The following NT5C3A variants were observed in gnomAD, a reference collection of about 807,000 sequenced individuals.
NT5C3A encodes the protein cytosolic 5'-nucleotidase 3A.
Under a neutral mutation model 40.0 loss-of-function variants are expected in NT5C3A, and 23 were observed. The ratio of observed to expected loss-of-function variants is 0.58; its 90% CI spans 0.41 to 0.81. The LOEUF (loss-of-function observed/expected upper bound fraction) is 0.81. NT5C3A is among the 40% of genes least tolerant of loss of function. The pLI is 0.00. For missense variants in NT5C3A, 328 were observed against 403.0 expected (o/e 0.81, Z 1.59); for synonymous variants, 130 against 141.4 (o/e 0.92, Z 0.57).
chr7:33,018,599 C>T (rs370723456), intron 6 of NT5C3A, among the ~76,000 whole-genome samples: 5 of 152,314 alleles, frequency 3.3e-5, no homozygotes, highest in African/African-American at 2.4e-5. Context: ...GCCTGTAACC[C>T]CAGCACTTTG....
At chr7:33,017,296 G>A (rs1785386696) in intron 7 of NT5C3A, 143 bp downstream of exon 7, 2 of 634,682 alleles carry the variant, frequency 3.2e-6, no homozygotes, top group East Asian at 2.7e-5. Context: ...TATTAACACT[G>A]AGAAGGATGG....
intron 1 of NT5C3A, among the ~76,000 whole-genome samples, chr7:33,053,642 C>G (rs372879651): frequency 2.0e-5 from 3 of 152,088 alleles, no homozygotes; most frequent in East Asian, 3.9e-4. Context: ...GCCTGGCTCA[C>G]AGACTGTGAT....
chr7:33,025,157 TAAATAAATAA>T (rs1237086052), intron 2 of NT5C3A, among the ~76,000 whole-genome samples: 10 of 151,920 alleles, frequency 6.6e-5, no homozygotes, highest in Admixed American at 2.0e-4. Flanking sequence ...AAAACAAAAT[TAAATAAATAA>T]AAATAAATAA....
At chr7:33,038,476 A>G (rs969333409) in intron 1 of NT5C3A, among the ~76,000 whole-genome samples, 1 of 151,376 alleles carries the variant, frequency 6.6e-6, no homozygotes, top group Non-Finnish European at 1.5e-5. Flanking sequence ...GTGATAAGAA[A>G]TTTGATGGCC....
intron 2 of NT5C3A, among the ~76,000 whole-genome samples, chr7:33,025,875 G>C (rs374273935): frequency 3.3e-5 from 5 of 152,224 alleles, no homozygotes; most frequent in African/African-American, 2.4e-5. Flanking sequence ...AGATGAATGA[G>C]TCGGCTTTAA....
chr7:33,030,689 T>C (rs62449262), intron 1 of NT5C3A, among the ~76,000 whole-genome samples: 55 of 152,298 alleles, frequency 3.6e-4, no homozygotes, highest in Non-Finnish European at 5.4e-4. Flanking sequence ...TTTTGACCAA[T>C]ACTTAATATA....
In NT5C3A at chr7:33,062,773, A is replaced by G; in HGVS notation, c.-68T>C. Reference sequence around the variant, plus strand: ...AGCTCGCGTAGACTGCGAGTCTCGGAAGCGCGGGATCCCAGAGCATCACGG... The same window carrying G: ...AGCTCGCGTAGACTGCGAGTCTCGGGAGCGCGGGATCCCAGAGCATCACGG... On this transcript the variant is annotated 5_prime_UTR_variant, in exon 1 of 9. Transcript: ENST00000610140. 1 of 1,546,854 alleles carries G rather than the reference A, an allele frequency of 6.5e-7. No individual in the cohort carries two copies. The highest frequency in any genetic ancestry group is 8.7e-7 in the Non-Finnish European group (1 of 1,146,168).
chr7:33,036,864 T>G (rs924177432), intron 1 of NT5C3A, among the ~76,000 whole-genome samples: 2 of 152,152 alleles, frequency 1.3e-5, no homozygotes, highest in Admixed American at 1.3e-4. Flanking sequence ...CAGGCTGGAG[T>G]GCAGTGGCAT....
chr7:33,014,430 C>A lies in NT5C3A; in HGVS notation c.*300G>T, dbSNP rs750127417. ...AACTTTCCCAGTGTAAAAGACTCCT[C>A]AAAAGCTGCATGATAACATTAAACT... On this transcript the variant is annotated 3_prime_UTR_variant, in exon 9 of 9. Coordinates refer to ENST00000610140, the MANE Select transcript of NT5C3A (RefSeq NM_001002010.5). 1 of 476,182 alleles carries A rather than the reference C, an allele frequency of 2.1e-6. No homozygotes were observed. Among genetic ancestry groups the A allele is most frequent in the South Asian group, 1.6e-5 (1 of 64,162 alleles). 29.5% of individuals were successfully genotyped at this position (476,182 alleles called of 1,614,324 possible). A position where few individuals can be genotyped will look rare whatever the true frequency, so the allele number is the denominator to read the frequency against.
intron 1 of NT5C3A, among the ~76,000 whole-genome samples, chr7:33,059,822 G>T (rs774854851): frequency 6.6e-6 from 1 of 152,190 alleles, no homozygotes; most frequent in Non-Finnish European, 1.5e-5. Context: ...CATACCTGTT[G>T]CTAGTGCCAT....
intron 1 of NT5C3A, chr7:33,045,879 A>T (rs781256043): frequency 2.6e-5 from 4 of 152,080 alleles, no homozygotes; most frequent in Non-Finnish European, 4.4e-5. Flanking sequence ...TCAGCTTAGG[A>T]GTATGGACCT....
intron 1 of NT5C3A, among the ~76,000 whole-genome samples, chr7:33,055,554 A>T (rs1787537594): frequency 6.6e-6 from 1 of 152,152 alleles, no homozygotes; most frequent in South Asian, 2.1e-4. Context: ...AGCTTGACTG[A>T]AATAGGTATT....
At chr7:33,025,117 C>A (rs954728984) in intron 2 of NT5C3A, among the ~76,000 whole-genome samples, 2 of 151,468 alleles carry the variant, frequency 1.3e-5, no homozygotes, top group African/African-American at 4.9e-5. Context: ...CCAACCTGGG[C>A]GACAGAATAA....
At chr7:33,022,475 T>C (rs989505614) in intron 3 of NT5C3A, among the ~76,000 whole-genome samples, 21 of 152,170 alleles carry the variant, frequency 1.4e-4, no homozygotes, top group African/African-American at 4.3e-4. Context: ...AAAAAGATAA[T>C]AAATGCTTAA....
intron 5 of NT5C3A, 85 bp downstream of exon 5, chr7:33,021,187 C>A: frequency 6.4e-7 from 1 of 1,562,360 alleles, no homozygotes; most frequent in Non-Finnish European, 8.7e-7. Flanking sequence ...GTTTGCAATA[C>A]AGGTAAAAAA....
chr7:33,021,834 G>A, intron 4 of NT5C3A: 1 of 523,994 alleles, frequency 1.9e-6, no homozygotes. Flanking sequence ...TTAAATATAA[G>A]TTTTGTTGTC....
At chr7:33,058,338 T>C (rs1183439312) in intron 1 of NT5C3A, among the ~76,000 whole-genome samples, 1 of 137,864 alleles carries the variant, frequency 7.3e-6, no homozygotes, top group African/African-American at 2.6e-5. Flanking sequence ...ACTTTTATTA[T>C]TTTTTTATTT....
chr7:33,044,305 T>C (rs1328665410), intron 1 of NT5C3A, among the ~76,000 whole-genome samples: 2 of 152,100 alleles, frequency 1.3e-5, no homozygotes, highest in African/African-American at 2.4e-5. Context: ...TTAAAAAATA[T>C]GCCACAAGAA....
chr7:33,059,151 G>T (rs6954923), intron 1 of NT5C3A, among the ~76,000 whole-genome samples: 111,695 of 152,178 alleles, frequency 0.73, 41,368 homozygotes, highest in African/African-American at 0.82. Flanking sequence ...GCTCCACACT[G>T]GCCATTGAGA....
Sources: gnomAD v4.1 joint callset for allele counts (sites outside exome capture counted in the v4.1 genomes callset) on GRCh38, gnomAD v4.1.1 for gene constraint, MANE v1.5 for transcripts, NCBI Gene and HGNC (gene_info 2026-07-23, HGNC 2026-07-21) for gene names.